The following RIMS2 variants were observed in gnomAD, a reference collection of about 807,000 sequenced individuals.
The protein encoded by RIMS2 is regulating synaptic membrane exocytosis protein 2.
A neutral mutation model predicts 174.4 loss-of-function variants in RIMS2; 59 were observed. The observed-to-expected ratio is 0.34, with a 90% CI of 0.27 to 0.42. The LOEUF (loss-of-function observed/expected upper bound fraction) is 0.42. RIMS2 is among the 10% of genes least tolerant of loss of function. The pLI is 1.00. For missense variants in RIMS2, 1,620 were observed against 1,666.3 expected (o/e 0.97, Z 0.48); for synonymous variants, 606 against 572.5 (o/e 1.06, Z -0.84).
intron 19 of RIMS2, among the ~76,000 whole-genome samples, chr8:104,146,650 T>C (rs1348418621): frequency 1.3e-5 from 2 of 152,182 alleles, no homozygotes; most frequent in Admixed American, 1.3e-4. Context: ...ACATCCTTGG[T>C]AATTAGTAGA....
At chr8:103,601,899 T>C (rs1554668616) in intron 1 of RIMS2, among the ~76,000 whole-genome samples, 1 of 152,206 alleles carries the variant, frequency 6.6e-6, no homozygotes, top group Non-Finnish European at 1.5e-5. Context: ...TTAACACTGA[T>C]AGCATAAACA....
intron 2 of RIMS2, among the ~76,000 whole-genome samples, chr8:103,750,562 T>C (rs1310252068): frequency 6.6e-6 from 1 of 152,160 alleles, no homozygotes; most frequent in African/African-American, 2.4e-5. Context: ...CACCCAAATC[T>C]CACCTTGAAT....
intron 1 of RIMS2, among the ~76,000 whole-genome samples, chr8:103,616,706 C>G (rs2095512915): frequency 1.3e-5 from 2 of 151,986 alleles, no homozygotes; most frequent in African/African-American, 2.4e-5. Context: ...AAAAAAATCA[C>G]TAGTATTTCC....
intron 19 of RIMS2, among the ~76,000 whole-genome samples, chr8:104,187,852 AC>A (rs2098976274): frequency 6.6e-6 from 1 of 151,748 alleles, no homozygotes; most frequent in Non-Finnish European, 1.5e-5. Context: ...GTTCCTCTTA[AC>A]AGTGGATACT....
intron 19 of RIMS2, among the ~76,000 whole-genome samples, chr8:104,103,269 C>G (rs895596721): frequency 1.3e-5 from 2 of 152,054 alleles, no homozygotes; most frequent in Non-Finnish European, 2.9e-5. Flanking sequence ...ATACAGAATT[C>G]ATTTTTGGGG....
chr8:104,222,706 A>G (rs2099161085), intron 19 of RIMS2, among the ~76,000 whole-genome samples: 1 of 152,204 alleles, frequency 6.6e-6, no homozygotes. Flanking sequence ...TGTTGTTTCC[A>G]AATTTGTGTT....
At chr8:103,961,266 A>C in intron 15 of RIMS2, 133 bp downstream of exon 17, 1 of 589,352 alleles carries the variant, frequency 1.7e-6, no homozygotes, top group Admixed American at 3.0e-5. Flanking sequence ...ATGGCAACCT[A>C]TGACAACTTA....
intron 9 of RIMS2, among the ~76,000 whole-genome samples, chr8:103,918,869 C>G (rs1032605310): frequency 6.6e-6 from 1 of 152,044 alleles, no homozygotes; most frequent in East Asian, 1.9e-4. Context: ...AAAACTTCCC[C>G]TAGTTTTAAA....
chr8:103,794,714 A>T (rs1006681602), intron 3 of RIMS2, among the ~76,000 whole-genome samples: 4 of 152,224 alleles, frequency 2.6e-5, no homozygotes, highest in African/African-American at 9.6e-5. Flanking sequence ...CAGAATCTAC[A>T]AAGTACTTAA....
chr8:104,062,927 AAT>A (rs1369882030), intron 19 of RIMS2, among the ~76,000 whole-genome samples: 1 of 152,080 alleles, frequency 6.6e-6, no homozygotes, highest in African/African-American at 2.4e-5. Context: ...AATTTTTTAA[AAT>A]ATGTCTCTTT....
At chr8:103,612,930 C>T (rs551223037) in intron 1 of RIMS2, among the ~76,000 whole-genome samples, 1 of 152,326 alleles carries the variant, frequency 6.6e-6, no homozygotes, top group African/African-American at 2.4e-5. Context: ...CTGTGCTGAG[C>T]CACCTGGAAC....
chr8:103,563,109 G>C (rs2091856696), intron 1 of RIMS2, among the ~76,000 whole-genome samples: 1 of 152,180 alleles, frequency 6.6e-6, no homozygotes, highest in Non-Finnish European at 1.5e-5. Flanking sequence ...TCTCTGACAA[G>C]CCCTGGAGAC....
intron 3 of RIMS2, among the ~76,000 whole-genome samples, chr8:103,841,163 ATTAT>A (rs1332370968): frequency 6.6e-6 from 1 of 152,168 alleles, no homozygotes; most frequent in African/African-American, 2.4e-5. Context: ...CTGTTTAGGA[ATTAT>A]TTATTTATTG....
chr8:103,569,374 T>C (rs2433255), intron 1 of RIMS2, among the ~76,000 whole-genome samples: 116,856 of 152,078 alleles, frequency 0.77, 45,084 homozygotes, highest in East Asian at 0.88. Flanking sequence ...GACTTCAGAT[T>C]AATAGAACTG....
At chr8:103,714,287 C>T (rs1414090391) in intron 2 of RIMS2, among the ~76,000 whole-genome samples, 1 of 152,084 alleles carries the variant, frequency 6.6e-6, no homozygotes, top group Non-Finnish European at 1.5e-5. Flanking sequence ...TGTAGCTCAG[C>T]ACTGTGATAA....
intron 14 of RIMS2, among the ~76,000 whole-genome samples, chr8:103,951,192 A>G (rs894470588): frequency 2.6e-5 from 4 of 152,224 alleles, no homozygotes; most frequent in African/African-American, 9.6e-5. Flanking sequence ...AAAACTCTCA[A>G]TAAACTAGGC....
At position 103,812,613 on chromosome 8, in the gene RIMS2, C is replaced by T. The variant is rs866437127; in HGVS notation, c.698+46076C>T. On this transcript the variant is annotated intron_variant, in intron 3 of 23. Transcript: ENST00000504942. ...GCCAGGCTGGTCTCAAACTCCTGAC[C>T]TCAGGTGATCTGCCTGCCTTGGCCT... Among the ~76,000 whole-genome samples the T allele has an allele frequency of 3.3e-5, 5 of 152,270 alleles. No individual in the cohort carries two copies. The Middle Eastern group carries it at 0.017, about 518-fold the overall frequency.
chr8:103,769,307 A>C (rs2154426685), intron 3 of RIMS2, among the ~76,000 whole-genome samples: 1 of 152,178 alleles, frequency 6.6e-6, no homozygotes, highest in African/African-American at 2.4e-5. Context: ...GCCTATCTGT[A>C]ATCTTTGTTT....
At chr8:103,675,304 G>A (rs1312071373) in intron 1 of RIMS2, among the ~76,000 whole-genome samples, 2 of 152,176 alleles carry the variant, frequency 1.3e-5, no homozygotes. Flanking sequence ...TGGCTATGAA[G>A]GCCAGGGCCC....
Sources: allele counts gnomAD v4.1 joint callset (sites outside exome capture counted in the v4.1 genomes callset), GRCh38; gene constraint gnomAD v4.1.1; transcripts MANE v1.5; gene names NCBI Gene and HGNC (gene_info 2026-07-23, HGNC 2026-07-21).